The following CCDC178 variants were observed in gnomAD, a reference collection of about 807,000 sequenced individuals.
CCDC178 encodes coiled-coil domain containing 178.
In CCDC178, 126 loss-of-function variants were observed where a neutral mutation model predicts 117.4. The ratio of observed to expected loss-of-function variants is 1.07; its 90% CI spans 0.93 to 1.24. The LOEUF (loss-of-function observed/expected upper bound fraction) is 1.24, where lower values mean the gene tolerates loss of function less well. Ranked by LOEUF, CCDC178 falls within the 50% of genes most tolerant of loss-of-function variation. The probability of loss-of-function intolerance (pLI) is 0.00; values close to 1 mark genes in which losing one functional copy is unlikely to be tolerated. For synonymous variants in CCDC178, 283 were observed against 313.4 expected, an observed-to-expected ratio of 0.90 and a Z score of 1.02; for missense variants, 1,030 against 986.9, an observed-to-expected ratio of 1.04 and a Z score of -0.59.
chr18:32,987,615 A>G (rs1033622862), intron 21 of CCDC178, among the ~76,000 whole-genome samples: 1 of 152,176 alleles, frequency 6.6e-6, no homozygotes, highest in African/African-American at 2.4e-5. Flanking sequence ...TAAAACTTGT[A>G]ACTTATATAC....
chr18:32,989,950 A>G (rs992572349), intron 21 of CCDC178, among the ~76,000 whole-genome samples: 8 of 152,202 alleles, frequency 5.3e-5, no homozygotes, highest in African/African-American at 1.9e-4. Context: ...GCTGCATGTA[A>G]GATTGATATT....
intron 11 of CCDC178, among the ~76,000 whole-genome samples, chr18:33,302,935 C>G (rs1313348684): frequency 6.6e-6 from 1 of 152,050 alleles, no homozygotes; most frequent in Non-Finnish European, 1.5e-5. Flanking sequence ...GGAATAAGTT[C>G]TAGTGTTCTG....
chr18:33,383,931 G>T (rs1049517564), intron 5 of CCDC178, among the ~76,000 whole-genome samples: 19 of 152,090 alleles, frequency 1.2e-4, no homozygotes, highest in Non-Finnish European at 2.1e-4. Flanking sequence ...AAAGGATTAT[G>T]TTCTAACACA....
chr18:33,124,109 G>T (rs1459351870), intron 20 of CCDC178, among the ~76,000 whole-genome samples: 1 of 152,148 alleles, frequency 6.6e-6, no homozygotes, highest in African/African-American at 2.4e-5. Flanking sequence ...AGATGTTGTT[G>T]TGAAGTGTAA....
intron 14 of CCDC178, among the ~76,000 whole-genome samples, chr18:33,252,595 A>G (rs2059629741): frequency 6.6e-6 from 1 of 151,812 alleles, no homozygotes; most frequent in Non-Finnish European, 1.5e-5. Context: ...CTGGTAAGAC[A>G]TAGCTAAATG....
At chr18:33,208,607 T>C (rs534676193) in intron 20 of CCDC178, among the ~76,000 whole-genome samples, 22 of 152,186 alleles carry the variant, frequency 1.4e-4, no homozygotes, top group African/African-American at 5.1e-4. Context: ...TGTGAGAATG[T>C]AGAAATGAAG....
At chr18:33,012,076 C>T (rs2055882754) in intron 21 of CCDC178, among the ~76,000 whole-genome samples, 1 of 152,132 alleles carries the variant, frequency 6.6e-6, no homozygotes, top group Non-Finnish European at 1.5e-5. Context: ...GTGATTTGTT[C>T]TTCTTGTTCT....
chr18:33,047,673 A>T (rs1443793167), intron 21 of CCDC178, among the ~76,000 whole-genome samples: 2 of 146,598 alleles, frequency 1.4e-5, no homozygotes, highest in African/African-American at 5.0e-5. Flanking sequence ...ATCTTTCTAC[A>T]GAGTTATACA....
intron 11 of CCDC178, among the ~76,000 whole-genome samples, chr18:33,308,626 G>A (rs896721850): frequency 6.6e-6 from 1 of 152,156 alleles, no homozygotes; most frequent in Non-Finnish European, 1.5e-5. Flanking sequence ...TGTTTTGGCT[G>A]TGTCCCTACC....
At chr18:33,315,068 G>A (rs2062397829) in intron 11 of CCDC178, among the ~76,000 whole-genome samples, 1 of 152,102 alleles carries the variant, frequency 6.6e-6, no homozygotes, top group South Asian at 2.1e-4. Flanking sequence ...CTGGTACTGG[G>A]ATAGCAGGTG....
chr18:33,318,453 T>G (rs149011902), intron 11 of CCDC178, among the ~76,000 whole-genome samples: 1 of 152,114 alleles, frequency 6.6e-6, no homozygotes, highest in Non-Finnish European at 1.5e-5. Flanking sequence ...CAAAAGGAAA[T>G]GATTTAAATA....
At chr18:32,946,699 C>A (rs1472458144) in intron 22 of CCDC178, among the ~76,000 whole-genome samples, 1 of 138,870 alleles carries the variant, frequency 7.2e-6, no homozygotes, top group Non-Finnish European at 1.5e-5. Flanking sequence ...GGAATAGTAA[C>A]TTTGGATCGT....
intron 22 of CCDC178, among the ~76,000 whole-genome samples, chr18:32,952,412 A>G (rs2054506376): frequency 6.6e-6 from 1 of 152,172 alleles, no homozygotes; most frequent in South Asian, 2.1e-4. Context: ...TAGGCCACCA[A>G]GGCTTTGGGT....
At chr18:33,427,354 T>C (rs1214304224) in intron 2 of CCDC178, among the ~76,000 whole-genome samples, 1 of 152,104 alleles carries the variant, frequency 6.6e-6, no homozygotes. Context: ...ACAAAGAATA[T>C]CTTCTTTACA....
intron 14 of CCDC178, among the ~76,000 whole-genome samples, chr18:33,251,446 G>T (rs910876616): frequency 1.3e-5 from 2 of 151,608 alleles, no homozygotes; most frequent in African/African-American, 4.8e-5. Flanking sequence ...TTTCTTGGTC[G>T]TGCTGAATAT....
Position 33,273,612 on chromosome 18 carries a change from T to G in CCDC178, c.1177-6315A>C, listed in dbSNP as rs2059913085. Among the ~76,000 whole-genome samples the G allele has an allele frequency of 2.0e-5, 3 of 151,682 alleles. No homozygotes were observed. In the South Asian group the frequency reaches 6.2e-4, roughly 31 times the overall value. ...TAACAACAGTGTCTAGACAATTCAA[T>G]GAGATAAAATAGTGTTTTCAAAGAA... On this transcript the variant is annotated intron_variant, in intron 12 of 22. Coordinates refer to ENST00000383096, the MANE Select transcript of CCDC178 (RefSeq NM_001105528.4).
intron 21 of CCDC178, among the ~76,000 whole-genome samples, chr18:33,055,358 AG>A (rs1360817320): frequency 5.9e-5 from 9 of 152,006 alleles, no homozygotes; most frequent in African/African-American, 2.2e-4. Context: ...TTTTTAAGAC[AG>A]GGTCTCTCAC....
At chr18:33,381,419 T>C (rs2063437842) in intron 5 of CCDC178, among the ~76,000 whole-genome samples, 1 of 152,184 alleles carries the variant, frequency 6.6e-6, no homozygotes, top group South Asian at 2.1e-4. Flanking sequence ...AGAAATGAAG[T>C]TAATAGTCTT....
At chr18:33,107,115 C>T (rs2057717317) in intron 20 of CCDC178, among the ~76,000 whole-genome samples, 1 of 151,686 alleles carries the variant, frequency 6.6e-6, no homozygotes, top group Admixed American at 6.6e-5. Flanking sequence ...GACTTTTGAC[C>T]TACAGAGCTA....
Sources: gnomAD v4.1 joint callset for allele counts (sites outside exome capture counted in the v4.1 genomes callset) on GRCh38, gnomAD v4.1.1 for gene constraint, MANE v1.5 for transcripts, NCBI Gene and HGNC (gene_info 2026-07-23, HGNC 2026-07-21) for gene names.